The following CADM2 variants were observed in gnomAD, a reference collection of about 807,000 sequenced individuals.
The protein encoded by CADM2 is cell adhesion molecule 2.
CADM2 carries 12 observed loss-of-function variants against 49.8 expected under a neutral mutation model. The observed-to-expected ratio is 0.24, with a 90% CI of 0.15 to 0.39. The LOEUF is 0.39. CADM2 is among the 10% of genes least tolerant of loss of function. The pLI is 1.00. For synonymous variants in CADM2, 214 were observed against 175.4 expected, an observed-to-expected ratio of 1.22 and a Z score of -1.74; for missense variants, 378 against 492.3, an observed-to-expected ratio of 0.77 and a Z score of 2.20.
At chr3:85,956,358 C>A (rs1015025955) in intron 7 of CADM2, among the ~76,000 whole-genome samples, 7 of 151,624 alleles carry the variant, frequency 4.6e-5, no homozygotes, top group African/African-American at 1.7e-4. Context: ...AGATGAAACA[C>A]AAATTGTATC....
chr3:85,124,661 G>A (rs887574978), intron 1 of CADM2, among the ~76,000 whole-genome samples: 3 of 152,072 alleles, frequency 2.0e-5, no homozygotes, highest in African/African-American at 7.2e-5. Context: ...ACTGCAAGTG[G>A]AAAATGTATT....
chr3:85,299,852 C>A (rs2044051815), intron 1 of CADM2, among the ~76,000 whole-genome samples: 2 of 152,030 alleles, frequency 1.3e-5, no homozygotes, highest in African/African-American at 4.8e-5. Context: ...GTCCCATTTT[C>A]TACTCAGCAT....
chr3:85,498,209 T>G (rs1230606945), intron 1 of CADM2, among the ~76,000 whole-genome samples: 1 of 150,808 alleles, frequency 6.6e-6, no homozygotes, highest in African/African-American at 2.4e-5. Context: ...GGCTTTTTTG[T>G]AGGTTATTTC....
At chr3:85,689,229 C>A (rs767150923) in intron 1 of CADM2, among the ~76,000 whole-genome samples, 1 of 152,042 alleles carries the variant, frequency 6.6e-6, no homozygotes, top group Non-Finnish European at 1.5e-5. Context: ...AATGACAGAA[C>A]GATCACGGGA....
intron 1 of CADM2, among the ~76,000 whole-genome samples, chr3:85,152,763 C>T (rs957867787): frequency 2.6e-5 from 4 of 151,980 alleles, no homozygotes; most frequent in Non-Finnish European, 1.5e-5. Context: ...CGAGACCATC[C>T]TGGCTAACAC....
chr3:86,041,688 C>A (rs1256796079), intron 8 of CADM2, among the ~76,000 whole-genome samples: 2 of 152,142 alleles, frequency 1.3e-5, no homozygotes, highest in Non-Finnish European at 2.9e-5. Context: ...AGAAAGTTAA[C>A]AAGGGTATCC....
At chr3:85,585,857 C>T (rs1204737241) in intron 1 of CADM2, among the ~76,000 whole-genome samples, 2 of 151,932 alleles carry the variant, frequency 1.3e-5, no homozygotes, top group African/African-American at 4.8e-5. Context: ...AAATAAATGC[C>T]TCATTTATTT....
chr3:85,606,235 G>A (rs2063534228), intron 1 of CADM2, among the ~76,000 whole-genome samples: 1 of 152,044 alleles, frequency 6.6e-6, no homozygotes, highest in Non-Finnish European at 1.5e-5. Flanking sequence ...GTGAGTATCA[G>A]TAGAATTTGA....
intron 1 of CADM2, among the ~76,000 whole-genome samples, chr3:85,335,332 A>G (rs1034474989): frequency 6.6e-6 from 1 of 151,448 alleles, no homozygotes; most frequent in Admixed American, 6.6e-5. Context: ...TGGCTCCAAT[A>G]AACACTTTAT....
chr3:85,960,570 T>C (rs1724685195), intron 7 of CADM2, among the ~76,000 whole-genome samples: 2 of 151,956 alleles, frequency 1.3e-5, no homozygotes, highest in Non-Finnish European at 2.9e-5. Context: ...CAAAGTGTTC[T>C]TTTGAGAATT....
At chr3:85,930,381 A>G (rs1264383858) in intron 6 of CADM2, among the ~76,000 whole-genome samples, 2 of 152,144 alleles carry the variant, frequency 1.3e-5, no homozygotes, top group African/African-American at 4.8e-5. Flanking sequence ...ACAGGCATGC[A>G]AAACGAAATA....
At chr3:85,402,157 A>T (rs1396435606) in intron 1 of CADM2, among the ~76,000 whole-genome samples, 4 of 152,140 alleles carry the variant, frequency 2.6e-5, no homozygotes, top group Non-Finnish European at 5.9e-5. Context: ...TGTTTTACAT[A>T]GATTTAAAAC....
At chr3:85,473,580 G>T (rs1366122506) in intron 1 of CADM2, among the ~76,000 whole-genome samples, 2 of 152,000 alleles carry the variant, frequency 1.3e-5, no homozygotes, top group African/African-American at 4.8e-5. Flanking sequence ...TGACATTCAG[G>T]TCATCAGGTT....
chr3:86,046,688 C>G (rs1178340193), intron 8 of CADM2, among the ~76,000 whole-genome samples: 1 of 152,082 alleles, frequency 6.6e-6, no homozygotes, highest in East Asian at 1.9e-4. Context: ...ACATTATCAG[C>G]ATGGACAATA....
chr3:85,115,984 C>T (rs142268170), intron 1 of CADM2, among the ~76,000 whole-genome samples: 2 of 152,310 alleles, frequency 1.3e-5, no homozygotes, highest in Non-Finnish European at 2.9e-5. Context: ...ATTTTATCTT[C>T]ATTAGCAATA....
intron 3 of CADM2, among the ~76,000 whole-genome samples, chr3:85,861,586 G>A (rs1420868700): frequency 1.3e-5 from 2 of 152,076 alleles, no homozygotes; most frequent in African/African-American, 2.4e-5. Context: ...CAGGGGGTAG[G>A]TATAGGCTGC....
At chr3:85,593,475 T>G (rs2063162886) in intron 1 of CADM2, among the ~76,000 whole-genome samples, 1 of 152,034 alleles carries the variant, frequency 6.6e-6, no homozygotes, top group South Asian at 2.1e-4. Context: ...TGTATATCTG[T>G]GTTCTTAGCC....
At chr3:86,041,591 A>G (rs1735948823) in intron 8 of CADM2, among the ~76,000 whole-genome samples, 1 of 152,172 alleles carries the variant, frequency 6.6e-6, no homozygotes, top group Admixed American at 6.5e-5. Flanking sequence ...GCAAGTCCTT[A>G]GAGACCCACA....
At chr3:85,690,415 A>T (rs2066346183) in intron 1 of CADM2, among the ~76,000 whole-genome samples, 1 of 152,164 alleles carries the variant, frequency 6.6e-6, no homozygotes, top group South Asian at 2.1e-4. Context: ...GTGAAAAGTA[A>T]CATTGGAAGA....
Sources: gnomAD v4.1 joint callset for allele counts (sites outside exome capture counted in the v4.1 genomes callset) on GRCh38, gnomAD v4.1.1 for gene constraint, MANE v1.5 for transcripts, NCBI Gene and HGNC (gene_info 2026-07-23, HGNC 2026-07-21) for gene names.